CRYBB2: variants seen among roughly 807,000 people sequenced by gnomAD.
CRYBB2 encodes the protein beta-crystallin B2.
In CRYBB2, 12 loss-of-function variants were observed where a neutral mutation model predicts 24.3. The ratio of observed to expected loss-of-function variants is 0.49; its 90% confidence interval spans 0.32 to 0.80. CRYBB2 has a LOEUF of 0.80. Among genes scored for constraint, CRYBB2 ranks in the 30% least tolerant of loss-of-function variants. The pLI, the probability that CRYBB2 is intolerant of heterozygous loss-of-function variation, is 0.04. For synonymous variants in CRYBB2, 98 were observed against 101.6 expected (o/e 0.96, Z 0.21); for missense variants, 198 against 268.5 (o/e 0.74, Z 1.83).
In CRYBB2 at chr22:25,229,583, G is replaced by A; in HGVS notation, c.449+5G>A. On this transcript the variant is annotated splice_donor_5th_base_variant and intron_variant, in intron 5 of 5. Coordinates refer to ENST00000398215, the MANE Select transcript of CRYBB2 (RefSeq NM_000496.3). ...TGTGCGGGTGCAGAGTGGCACGTAA[G>A]TGCGTTGCCAGCCCTGGCTCACCCT... 6.2e-7 allele frequency: 1 copy of A among 1,614,250 alleles called. No homozygotes were observed. Among genetic ancestry groups the A allele is most frequent in the Non-Finnish European group, 8.5e-7 (1 of 1,180,040 alleles).
At chr22:25,215,043 A>T (rs902322843), upstream of CRYBB2, among the ~76,000 whole-genome samples, 4 of 152,282 alleles carry the variant, frequency 2.6e-5, no homozygotes, top group Admixed American at 2.6e-4. Context: ...AGTAACGCCA[A>T]AACCCATGAT....
chr22:25,219,970 G>T (rs1723256470), intron 1 of CRYBB2, among the ~76,000 whole-genome samples: 1 of 152,134 alleles, frequency 6.6e-6, no homozygotes, highest in Non-Finnish European at 1.5e-5. Context: ...CTGAGGAGGA[G>T]AATGTAACTG....
chr22:25,212,359 T>C (rs568909507), upstream of CRYBB2, among the ~76,000 whole-genome samples: 1 of 152,324 alleles, frequency 6.6e-6, no homozygotes, highest in African/African-American at 2.4e-5. Context: ...AAGAGGTTCA[T>C]GGCAGGGGCA....
intron 2 of CRYBB2, among the ~76,000 whole-genome samples, chr22:25,224,067 T>G (rs1316627679): frequency 6.8e-6 from 1 of 146,018 alleles, no homozygotes; most frequent in Admixed American, 7.1e-5. Flanking sequence ...GAGCTTGCAG[T>G]GAGCCGAGAT....
chr22:25,224,499 A>G (rs1935377481), intron 2 of CRYBB2, among the ~76,000 whole-genome samples: 1 of 152,126 alleles, frequency 6.6e-6, no homozygotes, highest in Non-Finnish European at 1.5e-5. Flanking sequence ...CTTCTAACAA[A>G]CAATATCACA....
At chr22:25,211,726 C>A (rs1171968442), upstream of CRYBB2, among the ~76,000 whole-genome samples, 1 of 152,190 alleles carries the variant, frequency 6.6e-6, no homozygotes, top group Admixed American at 6.5e-5. Flanking sequence ...CAAATTTTGT[C>A]TTCTATGGGG....
At chr22:25,225,068 G>A in intron 3 of CRYBB2, 32 bp downstream of exon 3, 1 of 1,151,764 alleles carries the variant, frequency 8.7e-7, no homozygotes, top group South Asian at 1.2e-5. Context: ...CCTGGTCAGG[G>A]ACTTTGGGTG....
upstream of CRYBB2, among the ~76,000 whole-genome samples, chr22:25,218,836 A>AAGAAAGAG (rs1569016534): frequency 1.0e-4 from 10 of 96,778 alleles, no homozygotes; most frequent in Non-Finnish European, 1.9e-4. Context: ...GAAAGAAAGA[A>AAGAAAGAG]AGAGAAAGAA....
intron 4 of CRYBB2, among the ~76,000 whole-genome samples, chr22:25,228,452 TC>T (rs1263590680): frequency 6.6e-6 from 1 of 150,638 alleles, no homozygotes; most frequent in Admixed American, 6.6e-5. Context: ...GTGGTTTAGC[TC>T]TTCTTCAAGA....
chr22:25,227,798 A>G, intron 3 of CRYBB2, 55 bp from the exon 4 acceptor site: 1 of 1,613,054 alleles, frequency 6.2e-7, no homozygotes, highest in African/African-American at 1.3e-5. Flanking sequence ...GGATTCTGCC[A>G]TAGGAAGCTT....
chr22:25,224,523 CTTTG>C (rs1201827358), intron 2 of CRYBB2, among the ~76,000 whole-genome samples: 2 of 152,140 alleles, frequency 1.3e-5, no homozygotes, highest in African/African-American at 2.4e-5. Flanking sequence ...CAGTTTCTCT[CTTTG>C]TTTCTTTTTC....
rs145757771 is a variant in CRYBB2, at chr22:25,222,013, G to A, written c.54+530G>A. On this transcript the variant is annotated intron_variant, in intron 2 of 5. Transcript: ENST00000398215. ...CATCCACCTAACACCAGCAAATAATGCCGCCTTTGATTTCTCATCCACCTG... is the reference window on the plus strand; with the variant it reads ...CATCCACCTAACACCAGCAAATAATACCGCCTTTGATTTCTCATCCACCTG... Among the ~76,000 whole-genome samples, 125 of 152,332 alleles carry A rather than the reference G, an allele frequency of 8.2e-4. 1 individual carries two copies. Among genetic ancestry groups the A allele is most frequent in the African/African-American group, 2.9e-3 (120 of 41,574 alleles).
At chr22:25,225,101 G>A in intron 3 of CRYBB2, 65 bp downstream of exon 3, 2 of 899,330 alleles carry the variant, frequency 2.2e-6, no homozygotes, top group South Asian at 2.6e-5. Context: ...TGTGGAGTGG[G>A]GGAATCTACC....
rs1439329522 is a variant in CRYBB2, at chr22:25,231,755, T to A, written c.601T>A (p.Phe201Ile). 1 of 1,614,036 alleles carries A rather than the reference T, an allele frequency of 6.2e-7. No individual in the cohort carries two copies. Among genetic ancestry groups the A allele is most frequent in the Non-Finnish European group, 8.5e-7 (1 of 1,179,942 alleles). Residue 201 changes from phenylalanine (F) to isoleucine (I), a missense_variant, in exon 6 of 6, where the codon TTC becomes ATC. Physicochemically the swap from Phe to Ile is conservative, Grantham distance 21. Transcript: ENST00000398215. ...RDMQWHQRGA[F>I]HPSN Reference sequence around the variant, plus strand: ...CATGCAGTGGCACCAACGTGGTGCCTTCCACCCCTCCAACTAGTGCCCTCC... The same window carrying A: ...CATGCAGTGGCACCAACGTGGTGCCATCCACCCCTCCAACTAGTGCCCTCC...
At chr22:25,218,857 A>AGAAAG (rs754737906), upstream of CRYBB2, among the ~76,000 whole-genome samples, 1 of 128,350 alleles carries the variant, frequency 7.8e-6, no homozygotes, top group Non-Finnish European at 1.7e-5. Context: ...AGAAAGAAAG[A>AGAAAG]AAAGAAAGAG....
rs145217335 is a variant in CRYBB2, at chr22:25,231,543, T to G, written c.450-61T>G. ...CTCTATCTCTCTCCCCTCGCCTCTC[T>G]CTCTGTCTGCTTCTCTTCCTGTCCC... On this transcript the variant is annotated intron_variant, in intron 5 of 5. Transcript: ENST00000398215. 3.5e-3 allele frequency: 5,354 copies of G among 1,528,140 alleles called. 111 individuals carry two copies. The East Asian group carries it at 0.059, about 17-fold the overall frequency. The allele number at this position is 1,528,140 out of a possible 1,614,324, so 94.7% of individuals were successfully genotyped here.
At chr22:25,226,661 T>TTTTG (rs375458004) in intron 3 of CRYBB2, among the ~76,000 whole-genome samples, 7 of 152,110 alleles carry the variant, frequency 4.6e-5, no homozygotes, top group Non-Finnish European at 7.4e-5. Flanking sequence ...TGACAACTGT[T>TTTTG]TTTGTTTGTT....
intron 3 of CRYBB2, among the ~76,000 whole-genome samples, chr22:25,226,576 G>GT (rs1193822304): frequency 2.0e-5 from 3 of 152,332 alleles, no homozygotes; most frequent in African/African-American, 4.8e-5. Context: ...ATTGTAGGAT[G>GT]TTTAAGTTTT....
At chr22:25,213,511 C>G (rs1257747022) in intron 1 of CRYBB2, 1 of 152,210 alleles carries the variant, frequency 6.6e-6, no homozygotes, top group Non-Finnish European at 1.5e-5. Context: ...CAGAGTCACT[C>G]AGGGACCCAG....
Sources: gnomAD v4.1 joint callset for allele counts (sites outside exome capture counted in the v4.1 genomes callset) on GRCh38, gnomAD v4.1.1 for gene constraint, MANE v1.5 for transcripts, NCBI Gene and HGNC (gene_info 2026-07-23, HGNC 2026-07-21) for gene names.